LRRC37A: variants seen among roughly 807,000 people sequenced by gnomAD.
LRRC37A encodes the protein leucine-rich repeat-containing protein 37A.
LRRC37A carries 3 observed loss-of-function variants against 35.4 expected under a neutral mutation model. The observed-to-expected ratio is 0.08, with a 90% CI of 0.04 to 0.22. LRRC37A has a LOEUF of 0.22. LRRC37A is among the 10% of genes least tolerant of loss of function. The pLI, the probability that LRRC37A is intolerant of heterozygous loss-of-function variation, is 1.00. For missense variants in LRRC37A, 67 were observed against 565.3 expected, an observed-to-expected ratio of 0.12 and a Z score of 8.94; for synonymous variants, 23 against 215.0, an observed-to-expected ratio of 0.11 and a Z score of 7.81.
the LRRC37A span, among the ~76,000 whole-genome samples, chr17:46,252,300 G>T: frequency 6.6e-6 from 1 of 151,432 alleles, no homozygotes; most frequent in Non-Finnish European, 1.5e-5. Context: ...CACTTCCTGG[G>T]CTTAAGTGAT....
the LRRC37A span, among the ~76,000 whole-genome samples, chr17:46,267,893 C>CTTTTTTTTTTTTTT: frequency 5.6e-5 from 5 of 89,276 alleles, no homozygotes; most frequent in Admixed American, 1.1e-4. Context: ...ACTCCCACAT[C>CTTTTTTTTTTTTTT]TTTTTTTTTT....
At chr17:46,287,255 G>T in the LRRC37A span, among the ~76,000 whole-genome samples, 121 of 152,332 alleles carry the variant, frequency 7.9e-4, no homozygotes, top group African/African-American at 2.8e-3. Flanking sequence ...CACACTGATG[G>T]TAATGTCTTC....
At chr17:46,282,421 T>C in the LRRC37A span, among the ~76,000 whole-genome samples, 2 of 151,376 alleles carry the variant, frequency 1.3e-5, no homozygotes, top group African/African-American at 4.9e-5. Context: ...TTGTTTGTTT[T>C]TTTTTTTTAA....
the LRRC37A span, among the ~76,000 whole-genome samples, chr17:46,265,745 T>C: frequency 6.6e-6 from 1 of 152,216 alleles, no homozygotes; most frequent in Non-Finnish European, 1.5e-5. Context: ...CCCAAAGTCC[T>C]GGGATTACAA....
chr17:46,278,564 C>T, the LRRC37A span, among the ~76,000 whole-genome samples: 8 of 151,060 alleles, frequency 5.3e-5, no homozygotes, highest in East Asian at 1.2e-3. Flanking sequence ...CCACTGCGAC[C>T]GGCTAATTTT....
the LRRC37A span, among the ~76,000 whole-genome samples, chr17:46,271,895 G>A: frequency 7.9e-5 from 12 of 152,150 alleles, no homozygotes; most frequent in South Asian, 6.2e-4. Context: ...CTGAGTAGCT[G>A]GGACTACAGG....
the LRRC37A span, among the ~76,000 whole-genome samples, chr17:46,271,803 T>C: frequency 0.12 from 18,476 of 152,160 alleles, 1 homozygote; most frequent in Non-Finnish European, 0.18. Context: ...GCTGTGTCGC[T>C]CAGGCTGGAG....
the LRRC37A span, among the ~76,000 whole-genome samples, chr17:46,277,938 G>T: frequency 0.12 from 18,453 of 149,156 alleles, 2 homozygotes; most frequent in Middle Eastern, 0.19. Flanking sequence ...CACCATGCCT[G>T]GTCTGGGTAG....
At chr17:46,265,849 C>T in the LRRC37A span, among the ~76,000 whole-genome samples, 1 of 152,222 alleles carries the variant, frequency 6.6e-6, no homozygotes, top group Non-Finnish European at 1.5e-5. Flanking sequence ...GTAATTCCAG[C>T]ACTTTGGAAG....
the LRRC37A span, among the ~76,000 whole-genome samples, chr17:46,276,134 G>T: frequency 3.9e-5 from 6 of 152,174 alleles, no homozygotes; most frequent in South Asian, 6.2e-4. Context: ...CAGGTGATCC[G>T]CCCGCCTCGG....
chr17:46,260,511 T>A, the LRRC37A span: 1 of 1,605,866 alleles, frequency 6.2e-7, no homozygotes, highest in African/African-American at 1.3e-5. Flanking sequence ...CTCTGCCCGT[T>A]CACCTGCACC....
chr17:46,259,044 T>TTTTTTC, the LRRC37A span, among the ~76,000 whole-genome samples: 1 of 131,108 alleles, frequency 7.6e-6, no homozygotes, highest in African/African-American at 3.0e-5. Flanking sequence ...TTTTTTTTTT[T>TTTTTTC]TTTTTTTTTA....
the LRRC37A span, among the ~76,000 whole-genome samples, chr17:46,276,979 A>G: frequency 2.1e-5 from 3 of 141,178 alleles, no homozygotes; most frequent in South Asian, 2.1e-4. Context: ...AATTTTTTGT[A>G]TTTTTTGTAG....
chr17:46,254,152 CT>C, the LRRC37A span, among the ~76,000 whole-genome samples: 1 of 152,286 alleles, frequency 6.6e-6, no homozygotes, highest in Admixed American at 6.5e-5. Context: ...TGCGGGACTT[CT>C]GCTAGCACTG....
chr17:46,250,928 C>T, the LRRC37A span, among the ~76,000 whole-genome samples: 1 of 152,120 alleles, frequency 6.6e-6, no homozygotes, highest in Non-Finnish European at 1.5e-5. Flanking sequence ...TCCTCTTCTT[C>T]CTCTTGTTTG....
the LRRC37A span, among the ~76,000 whole-genome samples, chr17:46,284,202 C>G: frequency 6.6e-6 from 1 of 152,240 alleles, no homozygotes; most frequent in African/African-American, 2.4e-5. Context: ...CTTTCCCTTC[C>G]CACGAGGCCA....
chr17:46,257,137 C>A, the LRRC37A span, among the ~76,000 whole-genome samples: 4 of 152,016 alleles, frequency 2.6e-5, no homozygotes, highest in Admixed American at 6.6e-5. Flanking sequence ...CAACCTCGTA[C>A]TTATGTTGTT....
the LRRC37A span, among the ~76,000 whole-genome samples, chr17:46,260,866 A>T: frequency 0.1 from 15,630 of 149,194 alleles, 914 homozygotes; most frequent in East Asian, 0.3. Context: ...CAGGTGATCC[A>T]CCCACCTCGG....
At chr17:46,256,814 G>T in the LRRC37A span, among the ~76,000 whole-genome samples, 1 of 152,136 alleles carries the variant, frequency 6.6e-6, no homozygotes, top group Non-Finnish European at 1.5e-5. Context: ...AAGAAGTCAG[G>T]TCTTATGGAA....
Sources: gnomAD v4.1 joint callset for allele counts (sites outside exome capture counted in the v4.1 genomes callset) on GRCh38, gnomAD v4.1.1 for gene constraint, MANE v1.5 for transcripts, NCBI Gene and HGNC (gene_info 2026-07-23, HGNC 2026-07-21) for gene names.